The following UNC5A variants were observed in gnomAD, a reference collection of about 807,000 sequenced individuals.
UNC5A encodes netrin receptor UNC5A.
Under a neutral mutation model 87.4 loss-of-function variants are expected in UNC5A, and 20 were observed. The ratio of observed to expected loss-of-function variants is 0.23; its 90% CI spans 0.16 to 0.33. The LOEUF is 0.33. UNC5A is among the 10% of genes least tolerant of loss of function. The pLI is 1.00. For missense variants in UNC5A, 844 were observed against 1,133.4 expected (o/e 0.74, Z 3.67); for synonymous variants, 438 against 482.3 (o/e 0.91, Z 1.20).
chr5:176,855,801 AG>A (rs1303602043), intron 1 of UNC5A, among the ~76,000 whole-genome samples: 1 of 152,180 alleles, frequency 6.6e-6, no homozygotes. Flanking sequence ...GGGCTCCCCA[AG>A]GCCTGCTGGG....
chr5:176,822,809 A>G (rs1756759412), intron 1 of UNC5A, among the ~76,000 whole-genome samples: 1 of 151,986 alleles, frequency 6.6e-6, no homozygotes, highest in African/African-American at 2.4e-5. Context: ...AGGGGAGGAG[A>G]AGGAGTGGAC....
intron 1 of UNC5A, among the ~76,000 whole-genome samples, chr5:176,856,904 TC>T (rs1757680346): frequency 6.6e-6 from 1 of 152,170 alleles, no homozygotes; most frequent in Non-Finnish European, 1.5e-5. Context: ...AGCCCCTGCT[TC>T]CTGTCTGACC....
rs1252677435 is a variant in UNC5A, at chr5:176,857,948, A to AGGGCCCATGAAGCTGGT, written c.71-4667_71-4651dup. Among the ~76,000 whole-genome samples the AGGGCCCATGAAGCTGGT allele has an allele frequency of 2.6e-5, 4 of 152,210 alleles. No individual in the cohort carries two copies. In the East Asian group the frequency reaches 7.7e-4, roughly 29 times the overall value. On this transcript the variant is annotated intron_variant, in intron 1 of 14. Coordinates refer to ENST00000329542, the MANE Select transcript of UNC5A (RefSeq NM_133369.3). The stretch of plus-strand genomic sequence containing the variant: ...GGATGAGTGGGGTTTGGGAAGTGGC[A>AGGGCCCATGAAGCTGGT]GGGCCCATGAAGCTGGTGGGCCCAT...
intron 1 of UNC5A, among the ~76,000 whole-genome samples, chr5:176,857,871 C>T (rs779870941): frequency 3.3e-5 from 5 of 152,232 alleles, no homozygotes; most frequent in Non-Finnish European, 7.3e-5. Flanking sequence ...AGGTCACGTC[C>T]CTTGCCAGTG....
intron 1 of UNC5A, among the ~76,000 whole-genome samples, chr5:176,833,190 A>G (rs1436307522): frequency 6.6e-6 from 1 of 152,184 alleles, no homozygotes; most frequent in Non-Finnish European, 1.5e-5. Context: ...GTGCGTGTGC[A>G]GGATTGTTAC....
At chr5:176,863,705 G>A (rs1272867875) in intron 2 of UNC5A, among the ~76,000 whole-genome samples, 1 of 145,442 alleles carries the variant, frequency 6.9e-6, no homozygotes, top group Non-Finnish European at 1.5e-5. Context: ...GCAAACAACA[G>A]CTTCTCCTCC....
At chr5:176,817,567 ACCCCGCCCCTCCCCAC>A (rs1206201781) in intron 1 of UNC5A, among the ~76,000 whole-genome samples, 1 of 73,504 alleles carries the variant, frequency 1.4e-5, no homozygotes, top group South Asian at 4.6e-4. Flanking sequence ...ACCGCCCCCC[ACCCCGCCCCTCCCCAC>A]CCCCGCCCAA....
Position 176,844,324 on chromosome 5 carries a change from C to T in UNC5A, c.71-18300C>T, listed in dbSNP as rs1757349516. ...TGGCACAGCTGAGGAAGCCCCACCGCTGGAGTCCCAGGGTGGAGGTGGGCC... is the reference window on the plus strand; with the variant it reads ...TGGCACAGCTGAGGAAGCCCCACCGTTGGAGTCCCAGGGTGGAGGTGGGCC... On this transcript the variant is annotated intron_variant, in intron 1 of 14. Transcript: ENST00000329542. This position sits in a 1 kb window ranked among gnomAD's most constrained non-coding sequence, Gnocchi z 4.2. Among the ~76,000 whole-genome samples, 1 of 152,192 alleles carries T rather than the reference C, an allele frequency of 6.6e-6. No individual in the cohort carries two copies. The highest frequency in any genetic ancestry group is 6.5e-5 in the Admixed American group (1 of 15,278).
intron 14 of UNC5A, 23 bp downstream of exon 14, chr5:176,879,511 G>C: frequency 6.3e-7 from 1 of 1,589,148 alleles, no homozygotes; most frequent in Non-Finnish European, 8.6e-7. Flanking sequence ...GGGGCAGAGA[G>C]GGCCTGCGCA....
At chr5:176,847,029 A>G (rs1046434125) in intron 1 of UNC5A, among the ~76,000 whole-genome samples, 1 of 152,128 alleles carries the variant, frequency 6.6e-6, no homozygotes, top group African/African-American at 2.4e-5. Flanking sequence ...AGGAGAGAGC[A>G]GCACAGCCCC....
chr5:176,849,048 C>T (rs1268636283), intron 1 of UNC5A, among the ~76,000 whole-genome samples: 3 of 152,108 alleles, frequency 2.0e-5, no homozygotes, highest in Non-Finnish European at 2.9e-5. Context: ...GCAGGAAGAG[C>T]GGGGCAGAGA....
rs141393711 is a variant in UNC5A, at chr5:176,830,561, G to GGT, written c.70+19759_70+19760dup. Among the ~76,000 whole-genome samples the GGT allele has an allele frequency of 2.5e-3, 329 of 133,438 alleles. 4 individuals are homozygous for GGT. Among genetic ancestry groups the GGT allele is most frequent in the African/African-American group, 6.9e-3 (228 of 33,194 alleles). 87.5% of individuals were successfully genotyped at this position (133,438 alleles called of 152,430 possible). On this transcript the variant is annotated intron_variant, in intron 1 of 14. Transcript: ENST00000329542. ...GTGTGTGTGCATGTGCATGTGTCCT[G>GGT]GTGTGTGTGTGTGTGTGTGCGCGTG...
chr5:176,861,428 A>G (rs1219250673), intron 1 of UNC5A, among the ~76,000 whole-genome samples: 1 of 152,170 alleles, frequency 6.6e-6, no homozygotes, highest in East Asian at 1.9e-4. Context: ...GAGCTGGTGC[A>G]CACACCTCCT....
At chr5:176,813,401 TA>T (rs1756516885) in intron 1 of UNC5A, among the ~76,000 whole-genome samples, 1 of 152,170 alleles carries the variant, frequency 6.6e-6, no homozygotes, top group Non-Finnish European at 1.5e-5. Context: ...AGGGCTAACC[TA>T]GGACTCGTCT....
At chr5:176,821,080 A>G (rs1567317) in intron 1 of UNC5A, among the ~76,000 whole-genome samples, 8,746 of 152,234 alleles carry the variant, frequency 0.057, 720 homozygotes, top group African/African-American at 0.18. Context: ...CACAGCCACC[A>G]GCATGCCACT....
chr5:176,817,009 G>A (rs1756604034), intron 1 of UNC5A, among the ~76,000 whole-genome samples: 1 of 152,230 alleles, frequency 6.6e-6, no homozygotes, highest in African/African-American at 2.4e-5. Flanking sequence ...GTGGGAGAGG[G>A]GGAGCCACAC....
rs1757267694 is a variant in UNC5A, at chr5:176,841,188, G to A, written c.71-21436G>A. ...AATGATCACGAGCTAAAGTTGCAGG[G>A]GGCACCAGATGTCTGTTCTAATTTA... is the stretch of plus-strand genomic sequence containing the variant. On this transcript the variant is annotated intron_variant, in intron 1 of 14. Coordinates refer to ENST00000329542, the MANE Select transcript of UNC5A (RefSeq NM_133369.3). This position sits in a 1 kb window ranked among gnomAD's most constrained non-coding sequence, Gnocchi z 4.1. Among the ~76,000 whole-genome samples, 1 of 152,210 alleles carries A rather than the reference G, an allele frequency of 6.6e-6. No individual in the cohort carries two copies. Among genetic ancestry groups the A allele is most frequent in the Non-Finnish European group, 1.5e-5 (1 of 68,042 alleles).
chr5:176,854,431 G>T (rs148979127), intron 1 of UNC5A, among the ~76,000 whole-genome samples: 1 of 152,334 alleles, frequency 6.6e-6, no homozygotes, highest in Admixed American at 6.5e-5. Context: ...CAGGGATGCA[G>T]GTGGCAGGGA....
At chr5:176,833,545 C>T (rs753190320) in intron 1 of UNC5A, among the ~76,000 whole-genome samples, 29 of 152,132 alleles carry the variant, frequency 1.9e-4, no homozygotes, top group Non-Finnish European at 3.5e-4. Flanking sequence ...CCACGCCAGC[C>T]CACAATCTTT....
Sources: allele counts gnomAD v4.1 joint callset (sites outside exome capture counted in the v4.1 genomes callset), GRCh38; gene constraint gnomAD v4.1.1; non-coding constraint Gnocchi (gnomAD v3.1); transcripts MANE v1.5; gene names NCBI Gene and HGNC (gene_info 2026-07-23, HGNC 2026-07-21).